The following SNX24 variants were observed in gnomAD, a reference collection of about 807,000 sequenced individuals.
The protein encoded by SNX24 is sorting nexin 24.
In SNX24, 22 loss-of-function variants were observed where a neutral mutation model predicts 28.7. The observed-to-expected ratio is 0.77, with a 90% CI of 0.55 to 1.10. SNX24 has a LOEUF of 1.10. Ranked by LOEUF, SNX24 falls within the 50% of genes least tolerant of loss-of-function variation. The pLI is 0.00. For synonymous variants in SNX24, 69 were observed against 71.5 expected, an observed-to-expected ratio of 0.96 and a Z score of 0.18; for missense variants, 221 against 201.1, an observed-to-expected ratio of 1.10 and a Z score of -0.60.
intron 1 of SNX24, among the ~76,000 whole-genome samples, chr5:122,855,338 G>A (rs879834968): frequency 1.1e-4 from 16 of 152,170 alleles, no homozygotes; most frequent in Admixed American, 2.0e-4. Context: ...AAAGTGCTGG[G>A]ATTACAGGCA....
At chr5:122,942,963 A>G (rs1013329159) in intron 2 of SNX24, among the ~76,000 whole-genome samples, 2 of 152,152 alleles carry the variant, frequency 1.3e-5, no homozygotes, top group Non-Finnish European at 2.9e-5. Context: ...TTTTAAAAGG[A>G]GAGACATATA....
In SNX24 at chr5:122,905,277, T is replaced by C. The variant is rs1012817751; in HGVS notation, c.61-31457T>C. On this transcript the variant is annotated intron_variant, in intron 1 of 6. Coordinates refer to ENST00000261369, the MANE Select transcript of SNX24 (RefSeq NM_014035.4). ...GGGAGGTGGGAGGAGGGAAGGGGTA[T>C]GTGGGACGATTAGTATCTGACAGTT... Among the ~76,000 whole-genome samples the C allele has an allele frequency of 5.9e-5, 9 of 152,156 alleles. No homozygotes were observed. The South Asian group carries it at 1.5e-3, about 25-fold the overall frequency.
intron 1 of SNX24, among the ~76,000 whole-genome samples, chr5:122,906,891 G>T (rs1175307347): frequency 6.6e-6 from 1 of 152,148 alleles, no homozygotes; most frequent in African/African-American, 2.4e-5. Flanking sequence ...AGTGACAGGG[G>T]CAGGATTCGA....
At chr5:123,001,674 AC>A (rs1447860589) in intron 5 of SNX24, among the ~76,000 whole-genome samples, 1 of 152,224 alleles carries the variant, frequency 6.6e-6, no homozygotes, top group Non-Finnish European at 1.5e-5. Flanking sequence ...CAATCGTATT[AC>A]AAGATTTTTA....
At chr5:122,951,827 A>C (rs953299382) in intron 3 of SNX24, among the ~76,000 whole-genome samples, 1 of 152,236 alleles carries the variant, frequency 6.6e-6, no homozygotes, top group Non-Finnish European at 1.5e-5. Flanking sequence ...CAGCCTGTGC[A>C]GGCAGTGCTG....
At chr5:122,973,538 G>A (rs989133264) in intron 3 of SNX24, among the ~76,000 whole-genome samples, 2 of 152,300 alleles carry the variant, frequency 1.3e-5, no homozygotes, top group Middle Eastern at 3.4e-3. Context: ...GGAGAAGGCT[G>A]GGTGGCAGTA....
chr5:122,945,780 T>C (rs1269977943), intron 2 of SNX24, among the ~76,000 whole-genome samples: 4 of 152,186 alleles, frequency 2.6e-5, no homozygotes, highest in Non-Finnish European at 4.4e-5. Context: ...TTATTAGGCT[T>C]TTAATTTTTC....
intron 3 of SNX24, among the ~76,000 whole-genome samples, chr5:122,962,438 T>C (rs548304333): frequency 1.3e-5 from 2 of 152,356 alleles, no homozygotes; most frequent in African/African-American, 4.8e-5. Context: ...CTTAAAATAA[T>C]TTTTAGTGCA....
At chr5:122,910,103 A>G (rs1757817009) in intron 1 of SNX24, among the ~76,000 whole-genome samples, 1 of 152,230 alleles carries the variant, frequency 6.6e-6, no homozygotes, top group African/African-American at 2.4e-5. Context: ...GGAAGTTAAG[A>G]CAATCACCAG....
At chr5:122,999,851 A>T in intron 3 of SNX24, 61 bp from the exon 4 acceptor site, 1 of 974,946 alleles carries the variant, frequency 1.0e-6, no homozygotes, top group Non-Finnish European at 1.7e-6. Flanking sequence ...GAAATAGTTC[A>T]TTTGATTGAT....
chr5:123,018,815 T>C (rs553427626), intron 5 of SNX24, among the ~76,000 whole-genome samples: 1 of 152,186 alleles, frequency 6.6e-6, no homozygotes, highest in Non-Finnish European at 1.5e-5. Flanking sequence ...GCCTCTCAAG[T>C]AGCTGGGATT....
At chr5:123,025,860 T>C in intron 5 of SNX24, 1 of 1,614,174 alleles carries the variant, frequency 6.2e-7, no homozygotes, top group Non-Finnish European at 8.5e-7. Flanking sequence ...GATAAAGAAC[T>C]GAGAGCCATT....
At chr5:122,857,443 G>A (rs1402612314) in intron 1 of SNX24, among the ~76,000 whole-genome samples, 2 of 151,178 alleles carry the variant, frequency 1.3e-5, no homozygotes, top group East Asian at 1.9e-4. Context: ...AGGTACATAT[G>A]CCTGTTTGTT....
chr5:122,871,494 G>C (rs557081404), intron 1 of SNX24, among the ~76,000 whole-genome samples: 2 of 152,184 alleles, frequency 1.3e-5, no homozygotes, highest in Non-Finnish European at 2.9e-5. Context: ...CTGGCTGGGC[G>C]CGGTGGCTCA....
chr5:122,879,713 G>T (rs900545091), intron 1 of SNX24, among the ~76,000 whole-genome samples: 6 of 151,614 alleles, frequency 4.0e-5, no homozygotes, highest in African/African-American at 4.8e-5. Context: ...TAGAGACAGG[G>T]TCTCACTATG....
downstream of SNX24, among the ~76,000 whole-genome samples, chr5:123,014,117 T>C (rs955555838): frequency 6.6e-6 from 1 of 152,138 alleles, no homozygotes; most frequent in Non-Finnish European, 1.5e-5. Context: ...GGATACCAGT[T>C]AATAAAGCTT....
At chr5:122,859,192 G>T (rs1387508097) in intron 1 of SNX24, among the ~76,000 whole-genome samples, 1 of 152,172 alleles carries the variant, frequency 6.6e-6, no homozygotes, top group East Asian at 1.9e-4. Flanking sequence ...GAGATTTAGG[G>T]AAAGGAAAAA....
At chr5:123,009,253 ATC>A (rs1762511805), downstream of SNX24, 1 of 982,784 alleles carries the variant, frequency 1.0e-6, no homozygotes, top group African/African-American at 1.7e-5. Flanking sequence ...CATGGTTTGT[ATC>A]TGTCTGTTTA....
rs182194215 is a variant in SNX24, at chr5:122,882,849, C to A, written c.60+37156C>A. On this transcript the variant is annotated intron_variant, in intron 1 of 6. Transcript: ENST00000261369. ...AACATAAAAATTTAGTTAATTAGGT[C>A]ACCCAAGTATATGATTTATTTTCAT... 2.6e-4 allele frequency among the ~76,000 whole-genome samples: 39 copies of A among 151,876 alleles called. No individual in the cohort carries two copies. The East Asian group carries it at 7.5e-3, about 29-fold the overall frequency.
Sources: gnomAD v4.1 joint callset for allele counts (sites outside exome capture counted in the v4.1 genomes callset) on GRCh38, gnomAD v4.1.1 for gene constraint, MANE v1.5 for transcripts, NCBI Gene and HGNC (gene_info 2026-07-23, HGNC 2026-07-21) for gene names.